Variants in DYNC2H1 observed in about 807,000 individuals in gnomAD.
DYNC2H1 encodes cytoplasmic dynein 2 heavy chain 1.
A neutral mutation model predicts 570.0 loss-of-function variants in DYNC2H1; 410 were observed. The ratio of observed to expected loss-of-function variants is 0.72; its 90% CI spans 0.66 to 0.78. The LOEUF is 0.78. Ranked by LOEUF, DYNC2H1 falls within the 30% of genes least tolerant of loss-of-function variation. DYNC2H1 has a pLI of 0.00. For missense variants in DYNC2H1, 4,865 were observed against 5,046.4 expected (o/e 0.96, Z 1.09); for synonymous variants, 1,688 against 1,677.6 (o/e 1.01, Z -0.15).
chr11:103,317,678 G>A (rs778328820), intron 80 of DYNC2H1, among the ~76,000 whole-genome samples: 2 of 151,852 alleles, frequency 1.3e-5, no homozygotes, highest in Non-Finnish European at 2.9e-5. Flanking sequence ...TTCTTCCTTC[G>A]GTCTGAAATG....
chr11:103,445,246 CTT>C (rs1048497414), intron 85 of DYNC2H1, among the ~76,000 whole-genome samples: 6 of 152,224 alleles, frequency 3.9e-5, no homozygotes, highest in African/African-American at 7.2e-5. Flanking sequence ...ATTTGAAAGA[CTT>C]TATTTTTCAT....
intron 88 of DYNC2H1, among the ~76,000 whole-genome samples, chr11:103,470,513 C>T (rs1035895905): frequency 1.3e-5 from 2 of 152,132 alleles, no homozygotes; most frequent in Non-Finnish European, 2.9e-5. Context: ...TGTTGGTGTG[C>T]TGCACTCATT....
rs1860660761 is a variant in DYNC2H1, at chr11:103,153,383, C to T, written c.3177C>T (p.Asp1059=). ...QELEKFKARW[D]QLKPGDDVIE... is the part of the protein sequence containing the mutation. ...TGGAAAAATTTAAAGCTCGTTGGGA[C>T]CAACTAAAGCCTGGTGATGATGTTA... Residue 1059 remains aspartate (D), a synonymous_variant, in exon 22 of 89, where the codon GAC becomes GAT. Transcript: ENST00000375735. 1 of 1,552,194 alleles carries T rather than the reference C, an allele frequency of 6.4e-7. No individual in the cohort carries two copies. The highest frequency in any genetic ancestry group is 8.7e-7 in the Non-Finnish European group (1 of 1,147,678).
chr11:103,353,301 T>C (rs892104338), intron 82 of DYNC2H1, among the ~76,000 whole-genome samples: 1 of 152,170 alleles, frequency 6.6e-6, no homozygotes, highest in African/African-American at 2.4e-5. Context: ...ACTTAAATTT[T>C]TTTTACAAAA....
intron 54 of DYNC2H1, among the ~76,000 whole-genome samples, chr11:103,213,287 T>C (rs913915707): frequency 6.6e-6 from 1 of 151,784 alleles, no homozygotes; most frequent in Non-Finnish European, 1.5e-5. Flanking sequence ...ACAGTGACTC[T>C]TGAGTCCTTT....
intron 82 of DYNC2H1, among the ~76,000 whole-genome samples, chr11:103,337,134 C>T (rs566500009): frequency 6.6e-6 from 1 of 152,300 alleles, no homozygotes; most frequent in African/African-American, 2.4e-5. Context: ...GCCTTAAGGA[C>T]ATGTTTCTGC....
chr11:103,140,061 T>A (rs1488476458), intron 17 of DYNC2H1, among the ~76,000 whole-genome samples: 2 of 152,144 alleles, frequency 1.3e-5, no homozygotes, highest in Non-Finnish European at 2.9e-5. Context: ...TGTTTTCCAT[T>A]TGCTTGGTAG....
rs1182857977 is a variant in DYNC2H1, at chr11:103,241,425, T to A, written c.9820-2268T>A. The A allele has an allele frequency of 9.9e-7, 1 of 1,006,086 alleles. No individual in the cohort carries two copies. The highest frequency in any genetic ancestry group is 1.5e-6 in the Non-Finnish European group (1 of 667,236). The allele number at this position is 1,006,086 out of a possible 1,614,324, so 62.3% of individuals were successfully genotyped here. A position where few individuals can be genotyped will look rare whatever the true frequency, so the allele number is the denominator to read the frequency against. On this transcript the variant is annotated intron_variant, in intron 63 of 88. Coordinates refer to ENST00000375735, the MANE Select transcript of DYNC2H1 (RefSeq NM_001377.3). The surrounding 1 kb of genome is among the most constrained non-coding windows in gnomAD (Gnocchi z 5.1). Reference sequence around the variant, plus strand: ...ATCTGTCTGGAGACGTAAAATAAGATGACAACAAACTTTTAAGTACCCTTT... The same window carrying A: ...ATCTGTCTGGAGACGTAAAATAAGAAGACAACAAACTTTTAAGTACCCTTT...
chr11:103,132,234 A>G lies in DYNC2H1; in HGVS notation c.1954-1321A>G, dbSNP rs188161241. On this transcript the variant is annotated intron_variant, in intron 13 of 88. Coordinates refer to ENST00000375735, the MANE Select transcript of DYNC2H1 (RefSeq NM_001377.3). The stretch of plus-strand genomic sequence containing the variant: ...CATAAACTCTCTTGATTTTTTCTCA[A>G]ATGTACTCATTGCATCCTCTGACAT... Among the ~76,000 whole-genome samples, 855 of 152,070 alleles carry G rather than the reference A, an allele frequency of 5.6e-3. 4 individuals are homozygous for G. Among genetic ancestry groups the G allele is most frequent in the Non-Finnish European group, 9.9e-3 (671 of 67,998 alleles).
chr11:103,223,897 GC>G lies in DYNC2H1; in HGVS notation c.9353+813del, dbSNP rs942190335. Reference sequence around the variant, plus strand: ...CAAGTAGCTGGGATTACAGGCATGTGCCACCACACCTGGCTAATTTTCTGTA... The same window carrying G: ...CAAGTAGCTGGGATTACAGGCATGTGCACCACACCTGGCTAATTTTCTGTA... On this transcript the variant is annotated intron_variant, in intron 59 of 88. Transcript: ENST00000375735. Among the ~76,000 whole-genome samples the G allele has an allele frequency of 1.1e-4, 16 of 151,732 alleles. 1 individual carries two copies. The highest frequency in any genetic ancestry group is 3.2e-3 in the Middle Eastern group (1 of 316).
intron 13 of DYNC2H1, among the ~76,000 whole-genome samples, chr11:103,130,424 A>T (rs1212636362): frequency 6.6e-6 from 1 of 152,184 alleles, no homozygotes; most frequent in Admixed American, 6.5e-5. Flanking sequence ...CTCAAGCTTG[A>T]TAATTCTAGA....
At chr11:103,287,749 T>C (rs1393143097) in intron 75 of DYNC2H1, 144 bp downstream of exon 75, 2 of 730,916 alleles carry the variant, frequency 2.7e-6, no homozygotes, top group African/African-American at 3.6e-5. Flanking sequence ...AATCTCTACC[T>C]GTTTTAGAAA....
intron 15 of DYNC2H1, 50 bp from the exon 16 acceptor site, chr11:103,135,445 C>A: frequency 7.2e-7 from 1 of 1,388,494 alleles, no homozygotes; most frequent in Admixed American, 3.2e-5. Context: ...AATGAAAAAT[C>A]CATTCTACTG....
chr11:103,252,084 C>A lies in DYNC2H1; in HGVS notation c.10043-1201C>A, dbSNP rs1864855975. Among the ~76,000 whole-genome samples, 1 of 148,924 alleles carries A rather than the reference C, an allele frequency of 6.7e-6. No homozygotes were observed. Among genetic ancestry groups the A allele is most frequent in the Admixed American group, 6.7e-5 (1 of 14,912 alleles). ...GGACTATAGGCACATACCATCATGCCCAGCTAATTAAAAACATTTTTTTTT... is the reference window on the plus strand; with the variant it reads ...GGACTATAGGCACATACCATCATGCACAGCTAATTAAAAACATTTTTTTTT... On this transcript the variant is annotated intron_variant, in intron 65 of 88. Transcript: ENST00000375735. The surrounding 1 kb of genome is among the most constrained non-coding windows in gnomAD (Gnocchi z 4.6).
At chr11:103,253,509 C>T (rs1268824633) in intron 66 of DYNC2H1, 61 bp downstream of exon 66, 5 of 1,439,920 alleles carry the variant, frequency 3.5e-6, no homozygotes, top group African/African-American at 2.9e-5. Context: ...ACCTATTAGA[C>T]ATTGTGAGTG....
chr11:103,159,503 G>A (rs1218740614), intron 28 of DYNC2H1, among the ~76,000 whole-genome samples: 2 of 152,104 alleles, frequency 1.3e-5, no homozygotes, highest in Non-Finnish European at 2.9e-5. Flanking sequence ...AGGTGAGAAT[G>A]TAGGAGTCAT....
chr11:103,412,037 A>T lies in DYNC2H1; in HGVS notation c.12366+12165A>T, dbSNP rs1254802046. The stretch of plus-strand genomic sequence containing the variant: ...ATGAAATGCAAATGAGACTAGTCTG[A>T]CTTTCACTAAGATCAGATCAGTAAA... On this transcript the variant is annotated intron_variant, in intron 84 of 88. Transcript: ENST00000375735. Among the ~76,000 whole-genome samples the T allele has an allele frequency of 2.0e-5, 3 of 152,142 alleles. No homozygotes were observed. In the East Asian group the frequency reaches 5.8e-4, roughly 29 times the overall value.
intron 15 of DYNC2H1, 135 bp from the exon 16 acceptor site, chr11:103,135,360 C>A: frequency 1.4e-6 from 1 of 694,178 alleles, no homozygotes; most frequent in Non-Finnish European, 2.1e-6. Flanking sequence ...AAGGATGTAC[C>A]AGTTTTACAT....
chr11:103,226,281 G>A (rs1453973720), intron 59 of DYNC2H1, among the ~76,000 whole-genome samples: 2 of 141,468 alleles, frequency 1.4e-5, no homozygotes, highest in African/African-American at 5.2e-5. Flanking sequence ...GGGCATCCTT[G>A]TCTCTTGTTC....
Sources: gnomAD v4.1 joint callset for allele counts (sites outside exome capture counted in the v4.1 genomes callset) on GRCh38, gnomAD v4.1.1 for gene constraint, Gnocchi (gnomAD v3.1) non-coding constraint, MANE v1.5 for transcripts, NCBI Gene and HGNC (gene_info 2026-07-23, HGNC 2026-07-21) for gene names.